ANO6: variants seen among roughly 807,000 people sequenced by gnomAD.
ANO6 encodes anoctamin-6.
A neutral mutation model predicts 117.5 loss-of-function variants in ANO6; 106 were observed. That is an observed-to-expected ratio of 0.90 (90% CI 0.77 to 1.06). ANO6 has a LOEUF of 1.06. ANO6 is among the 50% of genes least tolerant of loss of function. The pLI is 0.00. For synonymous variants in ANO6, 367 were observed against 385.1 expected (o/e 0.95, Z 0.55); for missense variants, 955 against 1,121.1 (o/e 0.85, Z 2.12).
intron 12 of ANO6, among the ~76,000 whole-genome samples, chr12:45,397,947 C>T (rs1008415343): frequency 5.4e-5 from 8 of 148,928 alleles, no homozygotes; most frequent in Admixed American, 4.7e-4. Flanking sequence ...CAAACCTGCA[C>T]GTTGTGCACG....
intron 3 of ANO6, among the ~76,000 whole-genome samples, chr12:45,342,736 G>T (rs532158738): frequency 7.2e-5 from 11 of 152,154 alleles, no homozygotes; most frequent in African/African-American, 2.4e-4. Context: ...TTATAGGCTT[G>T]TTTTAAGTGT....
intron 1 of ANO6, among the ~76,000 whole-genome samples, chr12:45,273,172 G>A (rs1938443703): frequency 6.6e-6 from 1 of 152,138 alleles, no homozygotes; most frequent in Non-Finnish European, 1.5e-5. Flanking sequence ...TTGGTCAAAG[G>A]GTACAGAGTT....
At chr12:45,391,582 T>C (rs1395362943) in intron 12 of ANO6, among the ~76,000 whole-genome samples, 1 of 151,928 alleles carries the variant, frequency 6.6e-6, no homozygotes, top group African/African-American at 2.4e-5. Flanking sequence ...AAAAAAAAAT[T>C]AAAGGCCAGG....
chr12:45,357,324 G>A lies in ANO6; in HGVS notation c.898G>A (p.Ala300Thr), dbSNP rs750516037. 1 of 1,613,848 alleles carries A rather than the reference G, an allele frequency of 6.2e-7. No individual in the cohort carries two copies. Reference protein sequence around the residue: ...YYGEKIGIYFAWLGYYTQMLL... With the variant: ...YYGEKIGIYFTWLGYYTQMLL... The stretch of plus-strand genomic sequence containing the variant: ...TGGAGAGAAGATTGGAATCTACTTT[G>A]CTTGGCTGGGCTATTACACTCAGAT... The change falls in exon 8 of 20, where the codon GCT (alanine) becomes ACT (threonine). Residue 300 changes from alanine (A) to threonine (T), a missense_variant. By Grantham distance (58) the Ala-to-Thr change is moderately conservative (BLOSUM62 0). Transcript: ENST00000320560.
intron 1 of ANO6, among the ~76,000 whole-genome samples, chr12:45,253,214 T>G (rs1937686894): frequency 6.6e-6 from 1 of 152,222 alleles, no homozygotes; most frequent in South Asian, 2.1e-4. Flanking sequence ...GCATAAGTAT[T>G]ACATTGTCAC....
intron 1 of ANO6, among the ~76,000 whole-genome samples, chr12:45,250,456 G>A (rs543805847): frequency 4.6e-4 from 70 of 152,270 alleles, no homozygotes; most frequent in Admixed American, 1.3e-3. Flanking sequence ...ACAGTGGCAC[G>A]ATTACAGCTC....
intron 3 of ANO6, among the ~76,000 whole-genome samples, chr12:45,345,501 C>CTG (rs1565706599): frequency 6.6e-6 from 1 of 152,210 alleles, no homozygotes; most frequent in Non-Finnish European, 1.5e-5. Flanking sequence ...CAGTTCCTCT[C>CTG]TGTCTTGTTA....
At position 45,366,646 on chromosome 12, in the gene ANO6, T is replaced by C. The variant is rs975370156; in HGVS notation, c.999-1042T>C. 5.3e-5 allele frequency among the ~76,000 whole-genome samples: 8 copies of C among 152,244 alleles called. 1 individual carries two copies. In the South Asian group the frequency reaches 1.7e-3, roughly 31 times the overall value. On this transcript the variant is annotated intron_variant, in intron 8 of 19. Transcript: ENST00000320560. ...CCTTTGTCTTCAGAAGTATTTTGAC[T>C]GTTCTGAGCCTTTGCTTTTCCACTG...
At chr12:45,411,844 C>T (rs1220770832) in intron 16 of ANO6, among the ~76,000 whole-genome samples, 1 of 152,206 alleles carries the variant, frequency 6.6e-6, no homozygotes, top group Non-Finnish European at 1.5e-5. Flanking sequence ...TGGTGGTATA[C>T]GCTCTGTGCC....
chr12:45,424,967 G>A (rs557706416), intron 19 of ANO6, among the ~76,000 whole-genome samples: 7 of 152,054 alleles, frequency 4.6e-5, no homozygotes, highest in South Asian at 2.1e-4. Flanking sequence ...ACAAAAAAAC[G>A]TGTGAGGTTC....
rs148657772 is a variant in ANO6 at position 45,312,515 on chromosome 12, G to A, written c.150+10422G>A. The stretch of plus-strand genomic sequence containing the variant: ...TTTGAACTCTTAATTAATTTGGAAG[G>A]CTGAAGGGCTTTGGAAAGATGATTT... On this transcript the variant is annotated intron_variant, in intron 2 of 19. Coordinates refer to ENST00000320560, the MANE Select transcript of ANO6 (RefSeq NM_001025356.3). Among the ~76,000 whole-genome samples the A allele has an allele frequency of 3.0e-3, 459 of 152,136 alleles. 1 individual carries two copies. The highest frequency in any genetic ancestry group is 0.01 in the African/African-American group (426 of 41,556).
intron 2 of ANO6, among the ~76,000 whole-genome samples, chr12:45,310,924 G>A (rs1939828837): frequency 6.6e-6 from 1 of 152,030 alleles, no homozygotes; most frequent in Non-Finnish European, 1.5e-5. Context: ...AGATGTTTAA[G>A]CAGATGGTTT....
At chr12:45,369,873 C>G (rs1047772057) in intron 9 of ANO6, among the ~76,000 whole-genome samples, 1 of 152,104 alleles carries the variant, frequency 6.6e-6, no homozygotes, top group African/African-American at 2.4e-5. Flanking sequence ...TTCTAGCTGG[C>G]AAGATAAAAG....
At chr12:45,334,933 T>C (rs1318023512) in intron 3 of ANO6, among the ~76,000 whole-genome samples, 1 of 152,030 alleles carries the variant, frequency 6.6e-6, no homozygotes, top group African/African-American at 2.4e-5. Flanking sequence ...TTGTTTTGTC[T>C]GATGCTTGCC....
At chr12:45,291,478 TAAA>T (rs1358773211) in intron 1 of ANO6, among the ~76,000 whole-genome samples, 2 of 149,456 alleles carry the variant, frequency 1.3e-5, no homozygotes, top group Non-Finnish European at 3.0e-5. Flanking sequence ...TTGAGAAAAT[TAAA>T]AATTTTTGTG....
intron 15 of ANO6, among the ~76,000 whole-genome samples, chr12:45,407,975 G>A (rs1251304515): frequency 1.3e-5 from 2 of 152,184 alleles, no homozygotes; most frequent in East Asian, 1.9e-4. Context: ...GAAAGATTGT[G>A]AGGTCAGAGA....
Position 45,348,594 on chromosome 12 carries a change from A to G in ANO6, c.710A>G (p.Asn237Ser). 1 of 1,613,922 alleles carries G rather than the reference A, an allele frequency of 6.2e-7. No individual in the cohort carries two copies. Among genetic ancestry groups the G allele is most frequent in the Non-Finnish European group, 8.5e-7 (1 of 1,179,890 alleles). Residue 237 changes from asparagine to serine, a missense_variant, in exon 6 of 20, where the codon AAC becomes AGC. Asn to Ser is a conservative substitution (Grantham distance 46, BLOSUM62 1). Transcript: ENST00000320560. ...AAGTTTGGGATCAACAGACTTGTAA[A>G]CTCTGGGATCTACAAGGCAGCTTTC... is the stretch of plus-strand genomic sequence containing the variant. ...VSKFGINRLVNSGIYKAAFPL... is the reference protein window; with the variant it reads ...VSKFGINRLVSSGIYKAAFPL...
At chr12:45,320,512 A>G (rs999435922) in intron 2 of ANO6, among the ~76,000 whole-genome samples, 58 of 151,962 alleles carry the variant, frequency 3.8e-4, no homozygotes, top group Admixed American at 3.3e-3. Flanking sequence ...GTTCTTTTAC[A>G]TTTGCTGAGG....
chr12:45,231,894 T>C (rs1326970101), intron 1 of ANO6, among the ~76,000 whole-genome samples: 2 of 152,208 alleles, frequency 1.3e-5, no homozygotes, highest in Non-Finnish European at 2.9e-5. Context: ...TTGCCTTTAC[T>C]GTGGCTAGTG....
Sources: gnomAD v4.1 joint callset for allele counts (sites outside exome capture counted in the v4.1 genomes callset) on GRCh38, gnomAD v4.1.1 for gene constraint, MANE v1.5 for transcripts, NCBI Gene and HGNC (gene_info 2026-07-23, HGNC 2026-07-21) for gene names.